Variants in TMEM132D observed in about 807,000 individuals in gnomAD.
TMEM132D encodes transmembrane protein 132D.
A neutral mutation model predicts 62.3 loss-of-function variants in TMEM132D; 21 were observed. The ratio of observed to expected loss-of-function variants is 0.34; its 90% confidence interval spans 0.24 to 0.49. The LOEUF is 0.49. Among genes scored for constraint, TMEM132D ranks in the 20% least tolerant of loss-of-function variants. TMEM132D has a pLI of 0.99. For missense variants in TMEM132D, 1,346 were observed against 1,402.8 expected (o/e 0.96, Z 0.65); for synonymous variants, 621 against 575.6 (o/e 1.08, Z -1.13).
intron 5 of TMEM132D, among the ~76,000 whole-genome samples, chr12:129,126,659 C>T (rs1001419969): frequency 1.3e-5 from 2 of 152,170 alleles, no homozygotes; most frequent in Admixed American, 1.3e-4. Context: ...TTGGCAGGGG[C>T]TTATGTTACG....
chr12:129,729,945 C>G (rs1869173152), intron 1 of TMEM132D, among the ~76,000 whole-genome samples: 1 of 152,080 alleles, frequency 6.6e-6, no homozygotes, highest in South Asian at 2.1e-4. Context: ...TGTGAATGTA[C>G]TTTGTAACGT....
chr12:129,747,762 C>A (rs988951058), intron 1 of TMEM132D, among the ~76,000 whole-genome samples: 1 of 151,222 alleles, frequency 6.6e-6, no homozygotes, highest in African/African-American at 2.4e-5. Context: ...CATCCAGACA[C>A]ACACACACTC....
chr12:129,566,300 T>C (rs1877364623), intron 2 of TMEM132D, among the ~76,000 whole-genome samples: 1 of 152,206 alleles, frequency 6.6e-6, no homozygotes, highest in Non-Finnish European at 1.5e-5. Flanking sequence ...TATCTGCTAC[T>C]GTGATTTCGA....
intron 3 of TMEM132D, among the ~76,000 whole-genome samples, chr12:129,517,152 G>T (rs1464665268): frequency 6.6e-6 from 1 of 152,094 alleles, no homozygotes; most frequent in Non-Finnish European, 1.5e-5. Context: ...TGAGGGTGAG[G>T]GTGGGAGTGG....
intron 1 of TMEM132D, among the ~76,000 whole-genome samples, chr12:129,736,543 G>A (rs1869428315): frequency 1.3e-5 from 2 of 152,100 alleles, no homozygotes; most frequent in Non-Finnish European, 2.9e-5. Flanking sequence ...AAGGTCGGCA[G>A]CTGAACGTGG....
In TMEM132D at chr12:129,668,550, G is replaced by A. The variant is rs112898560; in HGVS notation, c.968+31260C>T. 3.8e-3 allele frequency among the ~76,000 whole-genome samples: 572 copies of A among 152,052 alleles called. 4 individuals are homozygous for A. The highest frequency in any genetic ancestry group is 0.013 in the African/African-American group (535 of 41,504). ...TCTAGGACTCTCATGGAGAGCTAAC[G>A]TGTTAAACACTGCTAAACCTTTTGT... On this transcript the variant is annotated intron_variant, in intron 2 of 8. Coordinates refer to ENST00000422113, the MANE Select transcript of TMEM132D (RefSeq NM_133448.3).
At chr12:129,213,308 T>C (rs974681080) in intron 4 of TMEM132D, among the ~76,000 whole-genome samples, 1 of 151,990 alleles carries the variant, frequency 6.6e-6, no homozygotes, top group African/African-American at 2.4e-5. Context: ...GCCTGGGCAA[T>C]ACAGTGAGAC....
At chr12:129,285,414 C>A (rs184128562) in intron 4 of TMEM132D, among the ~76,000 whole-genome samples, 1 of 151,476 alleles carries the variant, frequency 6.6e-6, no homozygotes, top group East Asian at 2.0e-4. Context: ...GTAATCCCAG[C>A]GACCCGGGAG....
At chr12:129,663,153 T>C (rs987558841) in intron 2 of TMEM132D, among the ~76,000 whole-genome samples, 3 of 151,988 alleles carry the variant, frequency 2.0e-5, no homozygotes, top group Non-Finnish European at 4.4e-5. Context: ...TTTTTTTTCC[T>C]TTTGAGATGG....
At chr12:129,195,322 G>A (rs554201503) in intron 5 of TMEM132D, among the ~76,000 whole-genome samples, 1 of 152,250 alleles carries the variant, frequency 6.6e-6, no homozygotes, top group South Asian at 2.1e-4. Context: ...CAGGAAATGA[G>A]GTGAGGATGG....
At chr12:129,281,960 G>C (rs1881167117) in intron 4 of TMEM132D, among the ~76,000 whole-genome samples, 1 of 152,174 alleles carries the variant, frequency 6.6e-6, no homozygotes, top group Non-Finnish European at 1.5e-5. Flanking sequence ...GGTTGGTGGA[G>C]GGTAGACCTC....
At chr12:129,270,856 C>T (rs1397531933) in intron 4 of TMEM132D, among the ~76,000 whole-genome samples, 1 of 152,196 alleles carries the variant, frequency 6.6e-6, no homozygotes, top group Admixed American at 6.5e-5. Flanking sequence ...TGGAATTCAT[C>T]ACAGATAATT....
intron 1 of TMEM132D, among the ~76,000 whole-genome samples, chr12:129,770,608 C>T (rs10773704): frequency 6.6e-6 from 1 of 152,108 alleles, no homozygotes; most frequent in African/African-American, 2.4e-5. Context: ...CCTCCTGTTA[C>T]ACCCATGATA....
intron 1 of TMEM132D, among the ~76,000 whole-genome samples, chr12:129,765,539 C>G (rs1870521441): frequency 6.8e-6 from 1 of 147,274 alleles, no homozygotes; most frequent in South Asian, 2.2e-4. Flanking sequence ...GCATTCCAGC[C>G]TGGGCAACAA....
chr12:129,574,724 G>C (rs1030600570), intron 2 of TMEM132D, among the ~76,000 whole-genome samples: 1 of 151,786 alleles, frequency 6.6e-6, no homozygotes, highest in East Asian at 1.9e-4. Context: ...ATAGCTCAGG[G>C]CTTTTTCACA....
intron 1 of TMEM132D, among the ~76,000 whole-genome samples, chr12:129,805,713 G>A (rs866531254): frequency 0.017 from 2,502 of 151,422 alleles, 74 homozygotes; most frequent in African/African-American, 0.058. Context: ...AAACTAAAGA[G>A]CTTCTGCACA....
intron 3 of TMEM132D, among the ~76,000 whole-genome samples, chr12:129,401,373 C>T (rs1871615871): frequency 6.6e-6 from 1 of 152,048 alleles, no homozygotes; most frequent in Admixed American, 6.5e-5. Context: ...TTGAGACCAG[C>T]CTGGACAATA....
At chr12:129,545,233 T>C (rs1876699798) in intron 2 of TMEM132D, among the ~76,000 whole-genome samples, 1 of 152,096 alleles carries the variant, frequency 6.6e-6, no homozygotes, top group Non-Finnish European at 1.5e-5. Flanking sequence ...CTGAGCATGA[T>C]GTCAGCCCAT....
At chr12:129,777,104 C>CTAATCATATTTT (rs1870964229) in intron 1 of TMEM132D, among the ~76,000 whole-genome samples, 4 of 152,158 alleles carry the variant, frequency 2.6e-5, no homozygotes, top group Non-Finnish European at 5.9e-5. Flanking sequence ...TAAACCTTCC[C>CTAATCATATTTT]CAGGGCAAAG....
Sources: gnomAD v4.1 joint callset for allele counts (sites outside exome capture counted in the v4.1 genomes callset) on GRCh38, gnomAD v4.1.1 for gene constraint, MANE v1.5 for transcripts, NCBI Gene and HGNC (gene_info 2026-07-23, HGNC 2026-07-21) for gene names.